PECR: variants seen among roughly 807,000 people sequenced by gnomAD.
PECR encodes the protein 2,4-dienoyl-CoA reductase-related protein.
A neutral mutation model predicts 35.3 loss-of-function variants in PECR; 30 were observed. That is an observed-to-expected ratio of 0.85 (90% CI 0.64 to 1.15). PECR has a LOEUF of 1.15. Among genes scored for constraint, PECR ranks in the 50% most tolerant of loss-of-function variants. The pLI is 0.00. For synonymous variants in PECR, 148 were observed against 138.9 expected, an observed-to-expected ratio of 1.07 and a Z score of -0.46; for missense variants, 392 against 370.8, an observed-to-expected ratio of 1.06 and a Z score of -0.47.
chr2:216,048,602 C>T (rs1049662308), intron 6 of PECR, among the ~76,000 whole-genome samples: 10 of 151,718 alleles, frequency 6.6e-5, no homozygotes, highest in South Asian at 2.1e-4. Context: ...TCCAGCTACT[C>T]GGGAGGCTGG....
chr2:216,042,973 ATATGTGTATATATATATACATACG>A (rs1274738379), intron 7 of PECR, among the ~76,000 whole-genome samples: 9 of 70,134 alleles, frequency 1.3e-4, no homozygotes, highest in African/African-American at 1.9e-4. Context: ...ACACATACGT[ATATGTGTATATATATATACATACG>A]TATATGTGTA....
At chr2:216,074,340 A>G (rs1192867025) in intron 1 of PECR, among the ~76,000 whole-genome samples, 1 of 152,144 alleles carries the variant, frequency 6.6e-6, no homozygotes, top group Non-Finnish European at 1.5e-5. Context: ...CCAGCTACTC[A>G]GGAGACTAAG....
At position 216,069,364 on chromosome 2, in the gene PECR, C is replaced by T. The variant is rs138369688; in HGVS notation, c.125-2846G>A. ...CCTCCTGGTCTTTCAACAAGAAACC[C>T]AAGTGACATTTTATAAAAACACATG... On this transcript the variant is annotated intron_variant, in intron 1 of 7. Coordinates refer to ENST00000265322, the MANE Select transcript of PECR (RefSeq NM_018441.6). Among the ~76,000 whole-genome samples, 8 of 152,242 alleles carry T rather than the reference C, an allele frequency of 5.3e-5. No homozygotes were observed. The East Asian group carries it at 1.5e-3, about 29-fold the overall frequency.
At chr2:216,065,075 CATT>C (rs1457905854) in intron 3 of PECR, 4 of 546,142 alleles carry the variant, frequency 7.3e-6, no homozygotes, top group African/African-American at 5.7e-5. Context: ...ATGTACAGAT[CATT>C]AATAATTTTC....
At chr2:216,046,754 C>T (rs1418711141) in intron 6 of PECR, among the ~76,000 whole-genome samples, 1 of 152,084 alleles carries the variant, frequency 6.6e-6, no homozygotes, top group African/African-American at 2.4e-5. Flanking sequence ...CAGTATCTTC[C>T]AAAATACAAT....
At chr2:216,034,849 T>C (rs1694768480), downstream of PECR, among the ~76,000 whole-genome samples, 1 of 152,164 alleles carries the variant, frequency 6.6e-6, no homozygotes, top group South Asian at 2.1e-4. Flanking sequence ...TCAAGAAAAC[T>C]CAGCCAGTTG....
chr2:216,043,128 A>G (rs1389441193), intron 7 of PECR, among the ~76,000 whole-genome samples: 1 of 142,684 alleles, frequency 7.0e-6, no homozygotes, highest in Non-Finnish European at 1.5e-5. Flanking sequence ...TTTTTTTGAG[A>G]TAAGAGTCTC....
rs149951859 is a variant in PECR, at chr2:216,059,485, C to T, written c.425-509G>A. 9.0e-4 allele frequency among the ~76,000 whole-genome samples: 137 copies of T among 152,254 alleles called. 2 individuals are homozygous for T. The East Asian group carries it at 0.025, about 28-fold the overall frequency. On this transcript the variant is annotated intron_variant, in intron 3 of 7. Coordinates refer to ENST00000265322, the MANE Select transcript of PECR (RefSeq NM_018441.6). ...GTGGATATGCCATGTTTTATTTATC[C>T]ACTTATCAGCTGATAAACATTTGGA...
At chr2:216,056,443 G>A (rs544632497) in intron 4 of PECR, among the ~76,000 whole-genome samples, 11 of 152,144 alleles carry the variant, frequency 7.2e-5, no homozygotes, top group East Asian at 5.8e-4. Context: ...AATATCAGCC[G>A]GGTGTGGTGG....
rs757671221 is a variant in PECR at position 216,043,888 on chromosome 2, T to G, written c.826+16A>C. On this transcript the variant is annotated intron_variant, in intron 7 of 7. Transcript: ENST00000265322. ...ACAGCATAAAGCTGGTGACTGCTCA[T>G]TCCTCAGCTGCTCACCTGGTACCTC... is the stretch of plus-strand genomic sequence containing the variant. The G allele has an allele frequency of 1.5e-5, 20 of 1,339,080 alleles. No homozygotes were observed. Among genetic ancestry groups the G allele is most frequent in the Non-Finnish European group, 2.0e-5 (19 of 928,226 alleles). The allele number at this position is 1,339,080 out of a possible 1,614,324, so 82.9% of individuals were successfully genotyped here.
chr2:216,029,767 C>T (rs1694651493), intron 7 of PECR, among the ~76,000 whole-genome samples: 1 of 152,212 alleles, frequency 6.6e-6, no homozygotes, highest in East Asian at 1.9e-4. Context: ...GGCAAAGTTG[C>T]ACAGCAAATC....
chr2:216,053,912 T>C (rs973722560), intron 4 of PECR, among the ~76,000 whole-genome samples: 1 of 152,128 alleles, frequency 6.6e-6, no homozygotes, highest in Non-Finnish European at 1.5e-5. Context: ...CTGGTAAACT[T>C]GTGTTTTTCA....
intron 7 of PECR, among the ~76,000 whole-genome samples, chr2:216,031,432 AGAAAGAAAG>A (rs1213404062): frequency 7.0e-6 from 1 of 143,296 alleles, no homozygotes; most frequent in South Asian, 2.2e-4. Flanking sequence ...AAGAAAGAAA[AGAAAGAAAG>A]AAAAAGAAAG....
At chr2:216,079,585 T>C (rs1382446490) in intron 1 of PECR, among the ~76,000 whole-genome samples, 2 of 151,618 alleles carry the variant, frequency 1.3e-5, no homozygotes, top group South Asian at 4.1e-4. Flanking sequence ...CCCAGGCTAG[T>C]CTCGAACTCT....
intron 7 of PECR, among the ~76,000 whole-genome samples, chr2:216,029,994 G>A (rs1694655689): frequency 1.3e-5 from 2 of 152,134 alleles, no homozygotes; most frequent in Non-Finnish European, 2.9e-5. Context: ...CTATCATGGT[G>A]GACCAGTCTC....
chr2:216,030,725 C>CTTT (rs549744417), intron 7 of PECR, among the ~76,000 whole-genome samples: 4 of 145,024 alleles, frequency 2.8e-5, no homozygotes, highest in Non-Finnish European at 4.5e-5. Context: ...GTATTTCTTT[C>CTTT]TTTCTTTTTT....
intron 7 of PECR, among the ~76,000 whole-genome samples, chr2:216,032,307 A>G (rs1559204283): frequency 6.6e-6 from 1 of 152,230 alleles, no homozygotes; most frequent in Non-Finnish European, 1.5e-5. Context: ...AACAAGGAAT[A>G]TTGTTTTTAC....
intron 7 of PECR, among the ~76,000 whole-genome samples, chr2:216,031,429 AAAAG>A (rs201925622): frequency 9.4e-5 from 7 of 74,564 alleles, no homozygotes; most frequent in Non-Finnish European, 1.7e-4. Context: ...AGAAAGAAAG[AAAAG>A]AAAGAAAGAA....
rs902921224 is a variant in PECR, at chr2:216,066,516, T to C, written c.127A>G (p.Ser43Gly). The change falls in exon 2 of 8, where the codon AGT becomes GGT. Residue 43 changes from serine to glycine, a missense_variant and splice_region_variant. Physicochemically the swap from Ser to Gly is moderately conservative, Grantham distance 56. Coordinates refer to ENST00000265322, the MANE Select transcript of PECR (RefSeq NM_018441.6). ...AIVKELLELGSNVVIASRKLE... is the reference protein window; with the variant it reads ...AIVKELLELGGNVVIASRKLE... ...TTACGGGATGCAATGACCACATTAC[T>C]CCCTGAGGAGAAACAGCCAGAGAAC... 4 of 1,613,682 alleles carry C rather than the reference T, an allele frequency of 2.5e-6. No individual in the cohort carries two copies. Among genetic ancestry groups the C allele is most frequent in the Admixed American group, 1.7e-5 (1 of 59,982 alleles).
Sources: gnomAD v4.1 joint callset for allele counts (sites outside exome capture counted in the v4.1 genomes callset) on GRCh38, gnomAD v4.1.1 for gene constraint, MANE v1.5 for transcripts, NCBI Gene and HGNC (gene_info 2026-07-23, HGNC 2026-07-21) for gene names.